Variants in STARD13 observed in about 807,000 individuals in gnomAD.
STARD13 encodes the protein stAR-related lipid transfer protein 13.
In STARD13, 62 loss-of-function variants were observed where a neutral mutation model predicts 106.4. The ratio of observed to expected loss-of-function variants is 0.58; its 90% CI spans 0.48 to 0.72. STARD13 has a LOEUF of 0.72. Among genes scored for constraint, STARD13 ranks in the 30% least tolerant of loss-of-function variants. The pLI is 0.00. For missense variants in STARD13, 1,387 were observed against 1,424.0 expected (o/e 0.97, Z 0.42); for synonymous variants, 565 against 553.0 (o/e 1.02, Z -0.31).
chr13:33,555,692 T>C, the STARD13 span, among the ~76,000 whole-genome samples: 4 of 152,218 alleles, frequency 2.6e-5, no homozygotes, highest in African/African-American at 9.6e-5. Context: ...ATTGTCCTGC[T>C]AGACACTAGT....
the STARD13 span, among the ~76,000 whole-genome samples, chr13:33,364,735 G>A: frequency 2.3e-3 from 356 of 152,106 alleles, no homozygotes; most frequent in African/African-American, 7.8e-3. Flanking sequence ...TAAAAATACA[G>A]AAAATTAGCC....
chr13:33,212,264 CA>C (rs1243911609), intron 1 of STARD13, among the ~76,000 whole-genome samples: 9 of 152,178 alleles, frequency 5.9e-5, no homozygotes, highest in Admixed American at 5.9e-4. Flanking sequence ...TGAACCCGCA[CA>C]AACTCATAAA....
the STARD13 span, among the ~76,000 whole-genome samples, chr13:33,407,236 G>A: frequency 6.6e-6 from 1 of 152,196 alleles, no homozygotes; most frequent in Non-Finnish European, 1.5e-5. Context: ...TCTCTAAAAT[G>A]CAGGCCTCCT....
chr13:33,583,854 A>C, the STARD13 span, among the ~76,000 whole-genome samples: 2 of 14,694 alleles, frequency 1.4e-4, no homozygotes, highest in Admixed American at 2.8e-3. Context: ...CTGGCCTATA[A>C]TGTTTTTTTT....
At chr13:33,336,799 A>G (rs1269143402) in intron 1 of STARD13, 1 of 149,266 alleles carries the variant, frequency 6.7e-6, no homozygotes, top group Non-Finnish European at 1.5e-5. Flanking sequence ...GTTCCTGTTC[A>G]GAACTACTCA....
intron 1 of STARD13, among the ~76,000 whole-genome samples, chr13:33,256,667 T>C (rs150518688): frequency 6.6e-6 from 1 of 152,284 alleles, no homozygotes; most frequent in African/African-American, 2.4e-5. Flanking sequence ...CAAACCAGAA[T>C]CAGTTCAAAA....
At chr13:33,179,350 T>C (rs139078298) in intron 1 of STARD13, among the ~76,000 whole-genome samples, 3 of 152,300 alleles carry the variant, frequency 2.0e-5, no homozygotes, top group Non-Finnish European at 2.9e-5. Context: ...ATCTATAGAA[T>C]GGGAATAAAC....
At chr13:33,489,058 C>T in the STARD13 span, among the ~76,000 whole-genome samples, 3 of 152,148 alleles carry the variant, frequency 2.0e-5, no homozygotes, top group Admixed American at 6.5e-5. Context: ...TCTTCCATCT[C>T]TTTCTAATTT....
chr13:33,473,034 T>C, the STARD13 span, among the ~76,000 whole-genome samples: 1 of 152,190 alleles, frequency 6.6e-6, no homozygotes. Context: ...CTATAGGTTA[T>C]AAGAAAAATT....
At chr13:33,190,883 C>T (rs1474680031) in intron 1 of STARD13, among the ~76,000 whole-genome samples, 1 of 152,078 alleles carries the variant, frequency 6.6e-6, no homozygotes, top group African/African-American at 2.4e-5. Flanking sequence ...CGTACCCGGC[C>T]ACTACACCCG....
At chr13:33,662,977 G>A in the STARD13 span, among the ~76,000 whole-genome samples, 6,315 of 152,276 alleles carry the variant, frequency 0.041, 273 homozygotes, top group African/African-American at 0.11. Context: ...ATCAAATTCA[G>A]TGTTGGTGAG....
chr13:33,418,033 G>A, the STARD13 span, among the ~76,000 whole-genome samples: 23,740 of 152,054 alleles, frequency 0.16, 4,433 homozygotes, highest in African/African-American at 0.44. Flanking sequence ...TGGAGAAGAC[G>A]GGTGATTTCT....
chr13:33,552,765 C>T, the STARD13 span, among the ~76,000 whole-genome samples: 2 of 152,068 alleles, frequency 1.3e-5, no homozygotes, highest in Admixed American at 6.6e-5. Flanking sequence ...AACTATGTTT[C>T]CATATATCAA....
At chr13:33,453,418 G>T in the STARD13 span, among the ~76,000 whole-genome samples, 1 of 152,170 alleles carries the variant, frequency 6.6e-6, no homozygotes, top group Non-Finnish European at 1.5e-5. Context: ...GTAACTTCAT[G>T]AATAAATCCT....
At chr13:33,302,240 A>G (rs532749128) in intron 1 of STARD13, among the ~76,000 whole-genome samples, 2 of 152,274 alleles carry the variant, frequency 1.3e-5, no homozygotes, top group African/African-American at 4.8e-5. Context: ...AAGAACTGAC[A>G]ATAATATTTG....
In STARD13 at chr13:33,214,857, A is replaced by G. The variant is rs999206402; in HGVS notation, c.170-47235T>C. Among the ~76,000 whole-genome samples the G allele has an allele frequency of 2.0e-5, 3 of 152,110 alleles. No individual in the cohort carries two copies. The South Asian group carries it at 6.2e-4, about 32-fold the overall frequency. On this transcript the variant is annotated intron_variant, in intron 1 of 13. Transcript: ENST00000336934. ...CATTGTGAGTTTCAAGGGGGCCATC[A>G]CTGACAAGAGATTCAGATGCTACTG... is the stretch of plus-strand genomic sequence containing the variant.
At chr13:33,655,511 A>G in the STARD13 span, among the ~76,000 whole-genome samples, 2 of 152,170 alleles carry the variant, frequency 1.3e-5, no homozygotes, top group Non-Finnish European at 2.9e-5. Context: ...CTCCCAGTCC[A>G]TTCCAGTCCT....
chr13:33,185,858 C>T, intron 1 of STARD13: 3 of 1,613,584 alleles, frequency 1.9e-6, no homozygotes, highest in Non-Finnish European at 2.5e-6. Context: ...ACCCACATGC[C>T]CTTCTGATCC....
the STARD13 span, among the ~76,000 whole-genome samples, chr13:33,444,145 T>C: frequency 6.6e-6 from 1 of 152,172 alleles, no homozygotes; most frequent in East Asian, 1.9e-4. Context: ...CTCTGGGTAT[T>C]GTATTCACTA....
Sources: gnomAD v4.1 joint callset for allele counts (sites outside exome capture counted in the v4.1 genomes callset) on GRCh38, gnomAD v4.1.1 for gene constraint, MANE v1.5 for transcripts, NCBI Gene and HGNC (gene_info 2026-07-23, HGNC 2026-07-21) for gene names.